Variants in DLG2 observed in about 807,000 individuals in gnomAD.
DLG2 encodes the protein discs large MAGUK scaffold protein 2.
In DLG2, 45 loss-of-function variants were observed where a neutral mutation model predicts 132.5. That is an observed-to-expected ratio of 0.34 (90% CI 0.27 to 0.44). DLG2 has a LOEUF of 0.44. Ranked by LOEUF, DLG2 falls within the 20% of genes least tolerant of loss-of-function variation. The pLI, the probability that DLG2 is intolerant of heterozygous loss-of-function variation, is 1.00. For missense variants in DLG2, 1,045 were observed against 1,196.9 expected, an observed-to-expected ratio of 0.87 and a Z score of 1.87; for synonymous variants, 424 against 419.6, an observed-to-expected ratio of 1.01 and a Z score of -0.13.
At chr11:85,227,624 T>G (rs909533974) in intron 4 of DLG2, among the ~76,000 whole-genome samples, 5 of 152,088 alleles carry the variant, frequency 3.3e-5, no homozygotes, top group African/African-American at 1.2e-4. Context: ...AATAAGGAGT[T>G]TAATCTTCAC....
chr11:85,402,101 G>T (rs286037), intron 3 of DLG2, among the ~76,000 whole-genome samples: 2 of 152,022 alleles, frequency 1.3e-5, no homozygotes, highest in Non-Finnish European at 2.9e-5. Context: ...ATACTACAAG[G>T]CTACAGTAAC....
chr11:84,405,235 G>A lies in DLG2; in HGVS notation c.519+129335C>T, dbSNP rs899997577. Among the ~76,000 whole-genome samples, 4 of 152,264 alleles carry A rather than the reference G, an allele frequency of 2.6e-5. No individual in the cohort carries two copies. In the East Asian group the frequency reaches 7.7e-4, roughly 29 times the overall value. ...AGCAATTTTCAATTTAGTAATACAA[G>A]GACTGCCTTGCAGCTGTAGTATTCT... On this transcript the variant is annotated intron_variant, in intron 7 of 27. Coordinates refer to ENST00000376104, the MANE Select transcript of DLG2 (RefSeq NM_001142699.3).
At chr11:84,260,850 G>A (rs971926007) in intron 7 of DLG2, among the ~76,000 whole-genome samples, 1 of 152,134 alleles carries the variant, frequency 6.6e-6, no homozygotes, top group African/African-American at 2.4e-5. Context: ...GACTCACACC[G>A]AGCTTTTACA....
chr11:85,619,967 T>C (rs1350955826), intron 2 of DLG2, among the ~76,000 whole-genome samples: 2 of 152,216 alleles, frequency 1.3e-5, no homozygotes, highest in African/African-American at 4.8e-5. Flanking sequence ...GGTACAGGCA[T>C]AGCTCATTTT....
intron 7 of DLG2, among the ~76,000 whole-genome samples, chr11:84,519,226 T>C (rs1482816477): frequency 6.6e-6 from 1 of 152,120 alleles, no homozygotes; most frequent in Non-Finnish European, 1.5e-5. Context: ...AAATACCCAG[T>C]GCACATTTTA....
intron 6 of DLG2, among the ~76,000 whole-genome samples, chr11:84,941,082 C>G (rs559369709): frequency 4.8e-4 from 73 of 152,224 alleles, no homozygotes; most frequent in African/African-American, 1.6e-3. Flanking sequence ...TTCCATTGGT[C>G]TGTGTGTCTG....
At chr11:84,913,368 T>C (rs1317956446) in intron 6 of DLG2, among the ~76,000 whole-genome samples, 1 of 152,144 alleles carries the variant, frequency 6.6e-6, no homozygotes, top group African/African-American at 2.4e-5. Flanking sequence ...CCATATATAT[T>C]TTTTTCCCAA....
chr11:84,397,367 C>T lies in DLG2; in HGVS notation c.519+137203G>A, dbSNP rs188808945. Among the ~76,000 whole-genome samples the T allele has an allele frequency of 6.6e-5, 10 of 152,320 alleles. No homozygotes were observed. In the East Asian group the frequency reaches 9.6e-4, roughly 15 times the overall value. On this transcript the variant is annotated intron_variant, in intron 7 of 27. Coordinates refer to ENST00000376104, the MANE Select transcript of DLG2 (RefSeq NM_001142699.3). ...TTATAAACTTCTATCTGAGACAATG[C>T]TATGTGCTCACCAAATTGTTTTATT...
chr11:84,178,813 T>A (rs374369084), intron 8 of DLG2, among the ~76,000 whole-genome samples: 1 of 151,842 alleles, frequency 6.6e-6, no homozygotes, highest in African/African-American at 2.4e-5. Context: ...AGACTACAGA[T>A]CTAGCATGTG....
intron 6 of DLG2, among the ~76,000 whole-genome samples, chr11:84,741,700 G>A (rs1330364806): frequency 6.6e-6 from 1 of 151,610 alleles, no homozygotes; most frequent in African/African-American, 2.4e-5. Flanking sequence ...AATTGAAAGA[G>A]GTGACTGTTC....
At chr11:85,426,970 C>T (rs993523823) in intron 3 of DLG2, among the ~76,000 whole-genome samples, 7 of 152,210 alleles carry the variant, frequency 4.6e-5, no homozygotes, top group African/African-American at 1.2e-4. Flanking sequence ...ACGAGAAATA[C>T]GTGATGAATG....
At chr11:84,133,044 G>T (rs947302927) in intron 9 of DLG2, among the ~76,000 whole-genome samples, 1 of 152,024 alleles carries the variant, frequency 6.6e-6, no homozygotes, top group South Asian at 2.1e-4. Context: ...AAAAGTCATT[G>T]TAAATGTATT....
chr11:84,041,522 C>T (rs746266176), intron 11 of DLG2, among the ~76,000 whole-genome samples: 2 of 151,822 alleles, frequency 1.3e-5, no homozygotes, highest in Non-Finnish European at 2.9e-5. Context: ...GTACTTTTAA[C>T]TTGCAATTAT....
chr11:83,921,235 T>C lies in DLG2; in HGVS notation c.1496+9093A>G, dbSNP rs1336071637. Among the ~76,000 whole-genome samples, 3 of 152,282 alleles carry C rather than the reference T, an allele frequency of 2.0e-5. No homozygotes were observed. The East Asian group carries it at 5.8e-4, about 29-fold the overall frequency. On this transcript the variant is annotated intron_variant, in intron 15 of 27. Coordinates refer to ENST00000376104, the MANE Select transcript of DLG2 (RefSeq NM_001142699.3). ...TTGTTGTAATCATTATCCTCATAGT[T>C]GCCATCATCATCATCTGTATTGTCA...
chr11:84,569,045 G>A (rs534860935), intron 6 of DLG2, among the ~76,000 whole-genome samples: 1 of 152,130 alleles, frequency 6.6e-6, no homozygotes, highest in Non-Finnish European at 1.5e-5. Context: ...CTGACCAGAA[G>A]TAATAGCAGT....
intron 6 of DLG2, among the ~76,000 whole-genome samples, chr11:85,061,033 C>T (rs930480723): frequency 6.6e-6 from 1 of 151,246 alleles, no homozygotes; most frequent in African/African-American, 2.4e-5. Flanking sequence ...CATTTGTATG[C>T]CTTCTATGGA....
At chr11:84,378,698 A>C (rs1447215302) in intron 7 of DLG2, among the ~76,000 whole-genome samples, 2 of 151,894 alleles carry the variant, frequency 1.3e-5, no homozygotes, top group Admixed American at 6.6e-5. Context: ...TGGGTGGCTG[A>C]GGTGGGCGGA....
intron 6 of DLG2, among the ~76,000 whole-genome samples, chr11:84,702,464 C>T (rs1365841285): frequency 2.6e-5 from 4 of 151,668 alleles, no homozygotes; most frequent in East Asian, 3.9e-4. Flanking sequence ...GTTGACAGAA[C>T]ATCATTCTTT....
Position 84,255,076 on chromosome 11 carries a change from C to G in DLG2, c.520-3785G>C, listed in dbSNP as rs529937450. Among the ~76,000 whole-genome samples the G allele has an allele frequency of 5.9e-5, 9 of 151,992 alleles. No homozygotes were observed. The East Asian group carries it at 1.7e-3, about 29-fold the overall frequency. On this transcript the variant is annotated intron_variant, in intron 7 of 27. Transcript: ENST00000376104. ...CAGGACCTTCACAGCCCACCCCAGA[C>G]TACACAGAGCATAGATGAATTCTGA...
Sources: allele counts gnomAD v4.1 joint callset (sites outside exome capture counted in the v4.1 genomes callset), GRCh38; gene constraint gnomAD v4.1.1; transcripts MANE v1.5; gene names NCBI Gene and HGNC (gene_info 2026-07-23, HGNC 2026-07-21).